LYPD6: variants seen among roughly 807,000 people sequenced by gnomAD.
LYPD6 encodes the protein ly6/PLAUR domain-containing protein 6.
In LYPD6, 15 loss-of-function variants were observed where a neutral mutation model predicts 22.7. The ratio of observed to expected loss-of-function variants is 0.66; its 90% CI spans 0.44 to 1.02. LYPD6 has a LOEUF of 1.02. Among genes scored for constraint, LYPD6 ranks in the 50% least tolerant of loss-of-function variants. The pLI is 0.00. For missense variants in LYPD6, 189 were observed against 208.4 expected (o/e 0.91, Z 0.57); for synonymous variants, 72 against 77.5 (o/e 0.93, Z 0.37).
At chr2:149,364,551 T>TA (rs1681626665) in intron 1 of LYPD6, among the ~76,000 whole-genome samples, 1 of 151,972 alleles carries the variant, frequency 6.6e-6, no homozygotes. Flanking sequence ...ACAATTTTTT[T>TA]TTTTTTTTTT....
At chr2:149,468,532 C>T in intron 3 of LYPD6, 113 bp from the exon 4 acceptor site, 1 of 1,221,686 alleles carries the variant, frequency 8.2e-7, no homozygotes, top group East Asian at 2.4e-5. Flanking sequence ...CAGTGCACAT[C>T]TTATGTGCTA....
At chr2:149,437,949 T>C (rs1683473005) in intron 2 of LYPD6, 123 bp downstream of exon 2, 4 of 1,074,128 alleles carry the variant, frequency 3.7e-6, no homozygotes, top group Middle Eastern at 2.2e-4. Context: ...ACTGGGGTGG[T>C]GCGGTAATTT....
chr2:149,438,670 G>A (rs1002930476), intron 2 of LYPD6, among the ~76,000 whole-genome samples: 1 of 152,320 alleles, frequency 6.6e-6, no homozygotes, highest in Non-Finnish European at 1.5e-5. Flanking sequence ...AAGCATAAAG[G>A]CAAATCAAAC....
intron 1 of LYPD6, among the ~76,000 whole-genome samples, chr2:149,381,156 CTCTT>C (rs1256752111): frequency 6.6e-6 from 1 of 152,128 alleles, no homozygotes; most frequent in Admixed American, 6.5e-5. Flanking sequence ...AGTGTAAAGA[CTCTT>C]GAAGAGTTTT....
chr2:149,374,266 A>G (rs2105080540), intron 1 of LYPD6, among the ~76,000 whole-genome samples: 1 of 152,344 alleles, frequency 6.6e-6, no homozygotes, highest in Non-Finnish European at 1.5e-5. Flanking sequence ...AAGAAAAACA[A>G]AGGAAAAAAG....
At chr2:149,331,070 A>G (rs1680927902) in intron 1 of LYPD6, among the ~76,000 whole-genome samples, 2 of 152,140 alleles carry the variant, frequency 1.3e-5, no homozygotes, top group South Asian at 2.1e-4. Context: ...ACGGCCCAAC[A>G]TGCGTCCACC....
intron 2 of LYPD6, among the ~76,000 whole-genome samples, chr2:149,441,594 C>T (rs191693690): frequency 2.6e-5 from 4 of 152,272 alleles, no homozygotes; most frequent in East Asian, 1.9e-4. Context: ...GAAGCACTGT[C>T]GTCAATAATG....
chr2:149,479,051 G>T (rs1375975971), downstream of LYPD6, among the ~76,000 whole-genome samples: 1 of 152,086 alleles, frequency 6.6e-6, no homozygotes, highest in Non-Finnish European at 1.5e-5. Flanking sequence ...AGTCCAGTCT[G>T]TCCTCAGGCC....
chr2:149,427,978 A>G (rs1423567920), intron 1 of LYPD6, among the ~76,000 whole-genome samples: 4 of 152,260 alleles, frequency 2.6e-5, no homozygotes, highest in Admixed American at 6.5e-5. Flanking sequence ...AAGGGGCTCC[A>G]GAAAGAGAAA....
At chr2:149,438,136 C>T (rs1013430562) in intron 2 of LYPD6, among the ~76,000 whole-genome samples, 2 of 152,196 alleles carry the variant, frequency 1.3e-5, no homozygotes, top group African/African-American at 4.8e-5. Context: ...CACCATATCC[C>T]AGAAGGAGGA....
At chr2:149,418,822 C>G (rs980974262) in intron 1 of LYPD6, among the ~76,000 whole-genome samples, 1 of 152,190 alleles carries the variant, frequency 6.6e-6, no homozygotes, top group Non-Finnish European at 1.5e-5. Flanking sequence ...CCACTTTCCC[C>G]TACAGTGACA....
intron 1 of LYPD6, among the ~76,000 whole-genome samples, chr2:149,400,644 G>A (rs547287870): frequency 2.0e-5 from 3 of 152,078 alleles, no homozygotes; most frequent in Non-Finnish European, 2.9e-5. Context: ...TTTTAATAAC[G>A]TTTGCTACTT....
chr2:149,417,945 G>A (rs1015192828), intron 1 of LYPD6, among the ~76,000 whole-genome samples: 1 of 152,108 alleles, frequency 6.6e-6, no homozygotes, highest in African/African-American at 2.4e-5. Flanking sequence ...TCAATAATCT[G>A]AAATTTGTGA....
At chr2:149,484,067 G>A in the LYPD6 span, among the ~76,000 whole-genome samples, 2 of 152,182 alleles carry the variant, frequency 1.3e-5, no homozygotes, top group Non-Finnish European at 2.9e-5. Context: ...GGCACACAGT[G>A]AGCTTACAAC....
chr2:149,342,600 G>A (rs1362471), intron 1 of LYPD6, among the ~76,000 whole-genome samples: 46,608 of 152,038 alleles, frequency 0.31, 7,360 homozygotes, highest in Middle Eastern at 0.38. Flanking sequence ...TCTTTCATCA[G>A]TAGTCTCCCA....
At chr2:149,348,061 C>CAAAAAAAAAAAAAAAAAAAA (rs58228847) in intron 1 of LYPD6, among the ~76,000 whole-genome samples, 6 of 76,718 alleles carry the variant, frequency 7.8e-5, no homozygotes, top group African/African-American at 2.1e-4. Flanking sequence ...ACTAAAAATA[C>CAAAAAAAAAAAAAAAAAAAA]AAAAAAAAAA....
chr2:149,438,721 A>G (rs1418474756), intron 2 of LYPD6, among the ~76,000 whole-genome samples: 1 of 152,226 alleles, frequency 6.6e-6, no homozygotes, highest in Non-Finnish European at 1.5e-5. Context: ...TACAAAGTGA[A>G]GGCAGCCATG....
At chr2:149,343,937 C>T (rs1468672099) in intron 1 of LYPD6, among the ~76,000 whole-genome samples, 1 of 151,378 alleles carries the variant, frequency 6.6e-6, no homozygotes, top group Non-Finnish European at 1.5e-5. Flanking sequence ...TTTTGAGTTG[C>T]AGGACTTTTA....
Position 149,472,862 on chromosome 2 carries a change from A to AT in LYPD6, c.*2014dup, listed in dbSNP as rs1226728799. 2.0e-5 allele frequency: 3 copies of AT among 152,482 alleles called. No individual in the cohort carries two copies. Among genetic ancestry groups the AT allele is most frequent in the Non-Finnish European group, 4.4e-5 (3 of 67,940 alleles). The allele number at this position is 152,482 out of a possible 1,614,324, so 9.4% of individuals were successfully genotyped here. A position where few individuals can be genotyped will look rare whatever the true frequency, so the allele number is the denominator to read the frequency against. On this transcript the variant is annotated 3_prime_UTR_variant, in exon 5 of 5. Transcript: ENST00000334166. ...GGATTGAAGAGGAAAGAAAGGTGGG[A>AT]TTATCCCCCTAGGAAGACTTTCAGG...
Sources: allele counts gnomAD v4.1 joint callset (sites outside exome capture counted in the v4.1 genomes callset), GRCh38; gene constraint gnomAD v4.1.1; transcripts MANE v1.5; gene names NCBI Gene and HGNC (gene_info 2026-07-23, HGNC 2026-07-21).